RASGRF1: variants seen among roughly 807,000 people sequenced by gnomAD.
The protein encoded by RASGRF1 is ras-specific guanine nucleotide-releasing factor 1.
RASGRF1 carries 40 observed loss-of-function variants against 138.7 expected under a neutral mutation model. The observed-to-expected ratio is 0.29, with a 90% CI of 0.22 to 0.38. The LOEUF (loss-of-function observed/expected upper bound fraction) is 0.38, where lower values mean the gene tolerates loss of function less well. Ranked by LOEUF, RASGRF1 falls within the 10% of genes least tolerant of loss-of-function variation. The pLI is 1.00. For missense variants in RASGRF1, 1,108 were observed against 1,650.4 expected (o/e 0.67, Z 5.69); for synonymous variants, 614 against 663.2 (o/e 0.93, Z 1.14).
intron 4 of RASGRF1, among the ~76,000 whole-genome samples, chr15:79,047,578 G>GC (rs1443596385): frequency 6.6e-6 from 1 of 152,170 alleles, no homozygotes; most frequent in Non-Finnish European, 1.5e-5. Flanking sequence ...CTCATACTTA[G>GC]CCCTCATCAG....
chr15:79,058,519 C>T, intron 2 of RASGRF1, 38 bp from the exon 3 acceptor site: 2 of 1,606,448 alleles, frequency 1.2e-6, no homozygotes, highest in Non-Finnish European at 1.7e-6. Context: ...GATGCTGACT[C>T]CTTGTCCTCT....
chr15:78,965,707 C>T (rs752762863), intron 26 of RASGRF1, among the ~76,000 whole-genome samples: 24 of 152,032 alleles, frequency 1.6e-4, no homozygotes, highest in Non-Finnish European at 5.9e-5. Flanking sequence ...AAAAATTAGT[C>T]GGGCGTGGTG....
chr15:79,053,764 T>C (rs2057466670), intron 3 of RASGRF1, among the ~76,000 whole-genome samples: 1 of 152,228 alleles, frequency 6.6e-6, no homozygotes, highest in African/African-American at 2.4e-5. Context: ...ACGGGCTGGC[T>C]TCATGGATGT....
At chr15:79,001,875 T>C in intron 15 of RASGRF1, 88 bp from the exon 16 acceptor site, 7 of 971,186 alleles carry the variant, frequency 7.2e-6, no homozygotes, top group Non-Finnish European at 9.5e-6. Flanking sequence ...GTCTATAATT[T>C]ACTGAGGCAA....
At chr15:79,012,505 C>T (rs534883135) in intron 13 of RASGRF1, 1 of 1,610,708 alleles carries the variant, frequency 6.2e-7, no homozygotes, top group African/African-American at 1.3e-5. Context: ...ATTTCTGCTT[C>T]CCTGGTCCCC....
At chr15:79,020,427 G>A (rs890240795) in intron 10 of RASGRF1, among the ~76,000 whole-genome samples, 1 of 152,188 alleles carries the variant, frequency 6.6e-6, no homozygotes, top group Non-Finnish European at 1.5e-5. Context: ...GCAGCTCCAG[G>A]GCATCGCTTC....
chr15:78,969,748 C>G (rs1276138208), intron 26 of RASGRF1, among the ~76,000 whole-genome samples: 1 of 152,184 alleles, frequency 6.6e-6, no homozygotes, highest in Non-Finnish European at 1.5e-5. Context: ...ATTCCTCTCC[C>G]CTGCTTCATT....
intron 12 of RASGRF1, among the ~76,000 whole-genome samples, chr15:79,017,091 C>A (rs748207762): frequency 6.6e-6 from 1 of 152,230 alleles, no homozygotes; most frequent in Non-Finnish European, 1.5e-5. Context: ...CTGCTGACAG[C>A]CTCTTTATAG....
intron 22 of RASGRF1, among the ~76,000 whole-genome samples, chr15:78,988,324 A>G (rs11630724): frequency 0.025 from 3,762 of 152,344 alleles, 68 homozygotes; most frequent in Non-Finnish European, 0.035. Flanking sequence ...ACTCCTGGGC[A>G]CACAGTGGGA....
At chr15:79,081,358 T>C (rs560542521) in intron 1 of RASGRF1, among the ~76,000 whole-genome samples, 1 of 152,216 alleles carries the variant, frequency 6.6e-6, no homozygotes, top group Non-Finnish European at 1.5e-5. Flanking sequence ...CCTTTGCTAC[T>C]GCTCAGTTCT....
At chr15:79,034,247 A>G (rs548369170) in intron 6 of RASGRF1, among the ~76,000 whole-genome samples, 1 of 152,142 alleles carries the variant, frequency 6.6e-6, no homozygotes, top group Non-Finnish European at 1.5e-5. Context: ...CATCATGGAG[A>G]TGACACCAAC....
intron 22 of RASGRF1, among the ~76,000 whole-genome samples, chr15:78,989,107 C>T (rs1001548721): frequency 5.9e-5 from 9 of 152,180 alleles, no homozygotes; most frequent in Non-Finnish European, 1.3e-4. Flanking sequence ...ATTGCAAATG[C>T]TCCCTGTGGA....
Position 79,003,915 on chromosome 15 carries a change from G to A in RASGRF1, c.2336C>T (p.Ala779Val). Reference protein sequence around the residue: ...MYSAMSPFSKATLDTSKLYVS... With the variant: ...MYSAMSPFSKVTLDTSKLYVS... ...ATAGAGCTTGCTGGTGTCCAGCGTG[G>A]CCTTGCTGAAGGGTGACATGGCCGA... The change falls in exon 15 of 27, where the codon GCC (alanine) becomes GTC (valine). Residue 779 changes from alanine (A) to valine (V), a missense_variant. By Grantham distance (64) the Ala-to-Val change is moderately conservative (BLOSUM62 0). Transcript: ENST00000558480. The A allele has an allele frequency of 6.2e-7, 1 of 1,614,202 alleles. No homozygotes were observed. The highest frequency in any genetic ancestry group is 1.7e-5 in the Admixed American group (1 of 60,030).
At chr15:79,059,962 ACT>A (rs879261649) in intron 2 of RASGRF1, among the ~76,000 whole-genome samples, 12,341 of 102,548 alleles carry the variant, frequency 0.12, 677 homozygotes, top group Non-Finnish European at 0.16. Flanking sequence ...CCACTGATAC[ACT>A]CACACACACA....
At position 79,004,145 on chromosome 15, in the gene RASGRF1, C is replaced by G. The variant is rs763217651; in HGVS notation, c.2106G>C (p.Gln702His). The G allele has an allele frequency of 6.3e-7, 1 of 1,595,094 alleles. No homozygotes were observed. The highest frequency in any genetic ancestry group is 1.3e-5 in the African/African-American group (1 of 74,436). Residue 702 changes from glutamine to histidine, a missense_variant, in exon 15 of 27, where the codon CAG becomes CAC. Coordinates refer to ENST00000558480, the MANE Select transcript of RASGRF1 (RefSeq NM_001145648.3). ...GTTCACCGTACAGGAGCTTATTGTT[C>G]TGGCCACTGGCAAACAGGAGCTCCA... ...RSLELLFASGQNNKLLYGEPP... is the reference protein window; with the variant it reads ...RSLELLFASGHNNKLLYGEPP...
intron 1 of RASGRF1, among the ~76,000 whole-genome samples, chr15:79,072,746 T>G (rs964445718): frequency 1.3e-5 from 2 of 152,172 alleles, no homozygotes; most frequent in Admixed American, 1.3e-4. Context: ...GTTACAAGGT[T>G]GGGCAGAGGC....
Position 79,090,526 on chromosome 15 carries a change from G to A in RASGRF1, c.-28C>T. The A allele has an allele frequency of 6.2e-7, 1 of 1,602,758 alleles. No homozygotes were observed. The highest frequency in any genetic ancestry group is 8.5e-7 in the Non-Finnish European group (1 of 1,176,116). On this transcript the variant is annotated 5_prime_UTR_variant, in exon 1 of 27. Transcript: ENST00000558480. ...TGCTCAGAGGCCAGCGAGACCCCAC[G>A]CGCTTACATCTTCTCCGCGCAGCAG...
chr15:79,063,088 G>A (rs1391941654), intron 2 of RASGRF1, among the ~76,000 whole-genome samples: 1 of 152,156 alleles, frequency 6.6e-6, no homozygotes, highest in Non-Finnish European at 1.5e-5. Context: ...GCAGATGGAA[G>A]TAATGTCTCT....
intron 21 of RASGRF1, among the ~76,000 whole-genome samples, chr15:78,991,403 G>A (rs1389353033): frequency 6.6e-6 from 1 of 152,128 alleles, no homozygotes; most frequent in African/African-American, 2.4e-5. Flanking sequence ...AGGTACATGT[G>A]CACACACACA....
Sources: gnomAD v4.1 joint callset for allele counts (sites outside exome capture counted in the v4.1 genomes callset) on GRCh38, gnomAD v4.1.1 for gene constraint, MANE v1.5 for transcripts, NCBI Gene and HGNC (gene_info 2026-07-23, HGNC 2026-07-21) for gene names.